The following SPAG16 variants were observed in gnomAD, a reference collection of about 807,000 sequenced individuals.
The protein encoded by SPAG16 is sperm associated antigen 16.
SPAG16 carries 86 observed loss-of-function variants against 80.4 expected under a neutral mutation model. The ratio of observed to expected loss-of-function variants is 1.07; its 90% CI spans 0.90 to 1.28. The LOEUF is 1.28. Ranked by LOEUF, SPAG16 falls within the 50% of genes most tolerant of loss-of-function variation. The pLI is 0.00. For missense variants in SPAG16, 870 were observed against 765.3 expected (o/e 1.14, Z -1.61); for synonymous variants, 294 against 265.9 (o/e 1.11, Z -1.03).
chr2:213,971,441 A>G (rs181284855), intron 12 of SPAG16, among the ~76,000 whole-genome samples: 1 of 152,148 alleles, frequency 6.6e-6, no homozygotes, highest in Non-Finnish European at 1.5e-5. Flanking sequence ...TATAAATACA[A>G]CATATACTAC....
At chr2:214,000,837 T>A (rs575678404) in intron 12 of SPAG16, among the ~76,000 whole-genome samples, 36 of 152,304 alleles carry the variant, frequency 2.4e-4, no homozygotes, top group African/African-American at 8.2e-4. Flanking sequence ...AAATAGATTT[T>A]TTTTTTCTCT....
intron 15 of SPAG16, among the ~76,000 whole-genome samples, chr2:214,302,396 T>C (rs1258816903): frequency 1.3e-5 from 2 of 152,160 alleles, no homozygotes; most frequent in Non-Finnish European, 2.9e-5. Context: ...GTCAATGGGG[T>C]GTCAAAGTCC....
chr2:214,312,023 A>C (rs1559203669), intron 15 of SPAG16, among the ~76,000 whole-genome samples: 1 of 152,204 alleles, frequency 6.6e-6, no homozygotes, highest in Non-Finnish European at 1.5e-5. Context: ...TTGAAAATGA[A>C]AAATTGTAAA....
chr2:213,335,739 G>A (rs2064325580), intron 5 of SPAG16, among the ~76,000 whole-genome samples: 1 of 152,118 alleles, frequency 6.6e-6, no homozygotes, highest in Non-Finnish European at 1.5e-5. Flanking sequence ...ATGAGGTTGA[G>A]GTTTAGGTGG....
At chr2:214,040,395 G>A (rs1434290476) in intron 13 of SPAG16, among the ~76,000 whole-genome samples, 1 of 152,096 alleles carries the variant, frequency 6.6e-6, no homozygotes, top group Non-Finnish European at 1.5e-5. Flanking sequence ...CAGTTATTAA[G>A]CCTAGTATTC....
intron 10 of SPAG16, among the ~76,000 whole-genome samples, chr2:213,737,881 G>T (rs1176123311): frequency 1.3e-5 from 2 of 152,052 alleles, no homozygotes; most frequent in African/African-American, 4.8e-5. Flanking sequence ...ATGACATTTT[G>T]CCCCAGTTGT....
intron 3 of SPAG16, among the ~76,000 whole-genome samples, chr2:213,301,054 T>C (rs1384704588): frequency 6.6e-6 from 1 of 152,160 alleles, no homozygotes; most frequent in Non-Finnish European, 1.5e-5. Flanking sequence ...GCTATACCAT[T>C]ACTTTTAACG....
At chr2:214,258,471 G>GTGTGTGTGTATATATATATATA (rs1553539128) in intron 15 of SPAG16, among the ~76,000 whole-genome samples, 38 of 141,410 alleles carry the variant, frequency 2.7e-4, no homozygotes, top group African/African-American at 9.2e-4. Flanking sequence ...ATGTGTGTGT[G>GTGTGTGTGTATATATATATATA]TATATATATA....
Position 214,260,864 on chromosome 2 carries a change from TGG to T in SPAG16, c.1720+111600_1720+111601del, listed in dbSNP as rs200847559. ...GCTCACAACTGTAATCCCAGCACTT[TGG>T]GAGGCTAAGGCAGGTGGATCACCTG... On this transcript the variant is annotated intron_variant, in intron 15 of 15. Transcript: ENST00000331683. 7.5e-3 allele frequency among the ~76,000 whole-genome samples: 1,144 copies of T among 152,088 alleles called. 12 individuals carry two copies. The highest frequency in any genetic ancestry group is 0.028 in the South Asian group (133 of 4,810).
chr2:213,293,749 T>C (rs1418880374), intron 1 of SPAG16, among the ~76,000 whole-genome samples: 1 of 152,202 alleles, frequency 6.6e-6, no homozygotes, highest in East Asian at 1.9e-4. Context: ...CCAGAGAAAC[T>C]ACAATATAAT....
intron 15 of SPAG16, among the ~76,000 whole-genome samples, chr2:214,325,197 C>A (rs1449888515): frequency 6.6e-6 from 1 of 152,152 alleles, no homozygotes; most frequent in Non-Finnish European, 1.5e-5. Flanking sequence ...TAGAAAGGAT[C>A]TGAATTATTT....
At chr2:213,379,966 A>G (rs1360590172) in intron 9 of SPAG16, among the ~76,000 whole-genome samples, 1 of 152,162 alleles carries the variant, frequency 6.6e-6, no homozygotes. Flanking sequence ...AATCCTCCTC[A>G]GCTGAGGTCA....
At chr2:214,178,893 A>G (rs960844196) in intron 15 of SPAG16, among the ~76,000 whole-genome samples, 1 of 151,244 alleles carries the variant, frequency 6.6e-6, no homozygotes, top group Non-Finnish European at 1.5e-5. Flanking sequence ...ATAGTTTATT[A>G]TATATAGCGT....
intron 10 of SPAG16, among the ~76,000 whole-genome samples, chr2:213,718,270 T>A (rs1351512476): frequency 1.3e-5 from 2 of 151,628 alleles, no homozygotes; most frequent in Non-Finnish European, 2.9e-5. Flanking sequence ...TAATCACTGG[T>A]CACTAGAGAA....
At position 213,923,941 on chromosome 2, in the gene SPAG16, A is replaced by T. The variant is rs1036430183; in HGVS notation, c.1215-6019A>T. 9 of 152,428 alleles carry T rather than the reference A, an allele frequency of 5.9e-5. No individual in the cohort carries two copies. The East Asian group carries it at 1.7e-3, about 29-fold the overall frequency. The allele number at this position is 152,428 out of a possible 1,614,324, so 9.4% of individuals were successfully genotyped here. ...CTGCCACCTGAGTGTTTCCCGGGACATCAGGAGGCTGTATCCTGCAGCTGA... is the reference window on the plus strand; with the variant it reads ...CTGCCACCTGAGTGTTTCCCGGGACTTCAGGAGGCTGTATCCTGCAGCTGA... On this transcript the variant is annotated intron_variant, in intron 11 of 15. Coordinates refer to ENST00000331683, the MANE Select transcript of SPAG16 (RefSeq NM_024532.5).
chr2:214,012,145 T>C (rs2047310906), intron 12 of SPAG16, among the ~76,000 whole-genome samples: 1 of 150,590 alleles, frequency 6.6e-6, no homozygotes. Flanking sequence ...CCCACTACAC[T>C]ATATTATTGT....
intron 15 of SPAG16, among the ~76,000 whole-genome samples, chr2:214,340,789 A>G (rs919660236): frequency 3.3e-5 from 5 of 152,140 alleles, no homozygotes; most frequent in African/African-American, 1.2e-4. Flanking sequence ...GCCCACCTGG[A>G]TCCTGCTCAC....
chr2:213,366,342 A>G (rs2066289468), intron 8 of SPAG16, among the ~76,000 whole-genome samples: 1 of 152,144 alleles, frequency 6.6e-6, no homozygotes, highest in South Asian at 2.1e-4. Context: ...ACACATAAAG[A>G]GAACCACTCC....
intron 15 of SPAG16, among the ~76,000 whole-genome samples, chr2:214,162,596 G>C (rs2056484300): frequency 6.6e-6 from 1 of 152,044 alleles, no homozygotes; most frequent in African/African-American, 2.4e-5. Context: ...GATTTGTGAT[G>C]CCACTTTTAT....
Sources: allele counts gnomAD v4.1 joint callset (sites outside exome capture counted in the v4.1 genomes callset), GRCh38; gene constraint gnomAD v4.1.1; transcripts MANE v1.5; gene names NCBI Gene and HGNC (gene_info 2026-07-23, HGNC 2026-07-21).